KCNJ12: variants seen among roughly 807,000 people sequenced by gnomAD.
The protein encoded by KCNJ12 is ATP-sensitive inward rectifier potassium channel 12.
A neutral mutation model predicts 22.3 loss-of-function variants in KCNJ12; 2 were observed. That is an observed-to-expected ratio of 0.09 (90% CI 0.04 to 0.28). The LOEUF (loss-of-function observed/expected upper bound fraction) is 0.28, where lower values mean the gene tolerates loss of function less well. Among genes scored for constraint, KCNJ12 ranks in the 10% least tolerant of loss-of-function variants. The probability of loss-of-function intolerance (pLI) is 1.00; values close to 1 mark genes in which losing one functional copy is unlikely to be tolerated. For synonymous variants in KCNJ12, 117 were observed against 261.4 expected (o/e 0.45, Z 5.33); for missense variants, 155 against 633.3 (o/e 0.24, Z 8.11).
At chr17:21,414,673 G>A (rs1415866560) in intron 2 of KCNJ12, among the ~76,000 whole-genome samples, 2 of 152,308 alleles carry the variant, frequency 1.3e-5, no homozygotes, top group African/African-American at 4.8e-5. Flanking sequence ...GGAGGCCTCT[G>A]GTGCCAAGGT....
intron 1 of KCNJ12, among the ~76,000 whole-genome samples, chr17:21,384,466 A>G (rs1032811761): frequency 9.2e-5 from 14 of 151,996 alleles, no homozygotes; most frequent in African/African-American, 3.4e-4. Context: ...GAGTTGGGAT[A>G]ATCCAGATCC....
At chr17:21,383,111 G>A (rs1904936381) in intron 1 of KCNJ12, among the ~76,000 whole-genome samples, 3 of 152,198 alleles carry the variant, frequency 2.0e-5, no homozygotes, top group Admixed American at 1.3e-4. Flanking sequence ...ACTGAGATGT[G>A]TATGATAGAG....
intron 1 of KCNJ12, among the ~76,000 whole-genome samples, chr17:21,383,207 C>T (rs529857429): frequency 6.6e-6 from 1 of 152,170 alleles, no homozygotes; most frequent in Non-Finnish European, 1.5e-5. Context: ...GCCCGCCCCG[C>T]TTGCTCCAGC....
At chr17:21,383,888 G>A (rs62050820) in intron 1 of KCNJ12, among the ~76,000 whole-genome samples, 10 of 152,142 alleles carry the variant, frequency 6.6e-5, no homozygotes, top group Non-Finnish European at 1.2e-4. Flanking sequence ...GAGCCATCAC[G>A]GGCATTGTCA....
intron 1 of KCNJ12, among the ~76,000 whole-genome samples, chr17:21,403,929 T>C (rs1905780152): frequency 6.6e-6 from 1 of 152,296 alleles, no homozygotes; most frequent in Non-Finnish European, 1.5e-5. Flanking sequence ...ACTCTTATAG[T>C]TTCAAGCTCT....
At chr17:21,398,908 A>G (rs1555560187) in intron 1 of KCNJ12, among the ~76,000 whole-genome samples, 1 of 152,242 alleles carries the variant, frequency 6.6e-6, no homozygotes, top group Non-Finnish European at 1.5e-5. Flanking sequence ...ATAGACTAAC[A>G]TCTGCTGGAC....
chr17:21,415,029 T>C (rs2142079436), intron 2 of KCNJ12, among the ~76,000 whole-genome samples: 1 of 152,424 alleles, frequency 6.6e-6, no homozygotes, highest in East Asian at 1.9e-4. Context: ...GGTCGGATCC[T>C]AAATAGACTC....
chr17:21,381,402 G>A (rs115396223), intron 1 of KCNJ12, among the ~76,000 whole-genome samples: 2,798 of 152,054 alleles, frequency 0.018, 82 homozygotes, highest in African/African-American at 0.063. Flanking sequence ...GCCCTCTGTC[G>A]ATTCCCACCA....
rs1555562974 is a variant in KCNJ12, at chr17:21,416,530, G to C, written c.1188G>C (p.Gln396His). 1 of 1,611,704 alleles carries C rather than the reference G, an allele frequency of 6.2e-7. No individual in the cohort carries two copies. Among genetic ancestry groups the C allele is most frequent in the Non-Finnish European group, 8.5e-7 (1 of 1,178,962 alleles). Residue 396 changes from glutamine to histidine, a missense_variant, in exon 3 of 3, where the codon CAG (glutamine) becomes CAC (histidine). Gln to His is a conservative substitution (Grantham distance 24, BLOSUM62 0). Coordinates refer to ENST00000583088, the MANE Select transcript of KCNJ12 (RefSeq NM_021012.5). ...RDEEDEADGD[Q>H]DGRSRDGLSP... ...AGGAGGATGAGGCGGACGGAGACCA[G>C]GACGGCCGAAGCCGGGACGGCCTCA...
intron 1 of KCNJ12, among the ~76,000 whole-genome samples, chr17:21,401,227 G>A (rs1274462133): frequency 1.4e-5 from 2 of 138,412 alleles, no homozygotes; most frequent in Admixed American, 1.4e-4. Context: ...AGGGCATCCC[G>A]ACTGTGACCT....
intron 1 of KCNJ12, among the ~76,000 whole-genome samples, chr17:21,402,650 T>A (rs4315389): frequency 1.4e-4 from 21 of 152,414 alleles, no homozygotes; most frequent in South Asian, 6.2e-4. Flanking sequence ...TCCCAGGGAA[T>A]CTTCTGTACC....
At chr17:21,383,306 T>C (rs1904947468) in intron 1 of KCNJ12, among the ~76,000 whole-genome samples, 2 of 152,142 alleles carry the variant, frequency 1.3e-5, no homozygotes, top group Admixed American at 1.3e-4. Context: ...TGGCGTTCTG[T>C]GTGGCAGCAG....
chr17:21,415,215 G>A, intron 2 of KCNJ12, 72 bp from the exon 3 acceptor site: 3 of 1,452,938 alleles, frequency 2.1e-6, no homozygotes, highest in South Asian at 1.2e-5. Context: ...GTCACGTCTG[G>A]GGGCCCTGGG....
At chr17:21,382,702 T>G (rs8065075) in intron 1 of KCNJ12, among the ~76,000 whole-genome samples, 17,033 of 152,034 alleles carry the variant, frequency 0.11, 2,176 homozygotes, top group African/African-American at 0.32. Context: ...TGGCCCCTTT[T>G]GTGGGGAGCA....
chr17:21,396,539 C>T (rs532876502), intron 1 of KCNJ12, among the ~76,000 whole-genome samples: 8 of 152,168 alleles, frequency 5.3e-5, no homozygotes, highest in South Asian at 2.1e-4. Flanking sequence ...CGTGCCTGGC[C>T]GGGGTTCTAG....
intron 1 of KCNJ12, among the ~76,000 whole-genome samples, chr17:21,381,803 G>A (rs1051170760): frequency 1.2e-4 from 19 of 152,170 alleles, no homozygotes; most frequent in Non-Finnish European, 1.5e-5. Flanking sequence ...CTTGGAATAG[G>A]ATCTCCTCTT....
chr17:21,414,197 A>G (rs1392110890), intron 2 of KCNJ12, among the ~76,000 whole-genome samples: 1 of 152,288 alleles, frequency 6.6e-6, no homozygotes, highest in Admixed American at 6.5e-5. Flanking sequence ...AAGAAGCAAA[A>G]GAGAAAACGT....
chr17:21,380,696 A>G (rs1331455277), intron 1 of KCNJ12, among the ~76,000 whole-genome samples: 5 of 152,184 alleles, frequency 3.3e-5, no homozygotes, highest in Admixed American at 2.6e-4. Flanking sequence ...GTGGAGCCAG[A>G]GCCTGGGGAA....
At chr17:21,403,053 A>AACATGCTAGGAGT (rs1905720602) in intron 1 of KCNJ12, among the ~76,000 whole-genome samples, 1 of 152,308 alleles carries the variant, frequency 6.6e-6, no homozygotes, top group Non-Finnish European at 1.5e-5. Flanking sequence ...GGGCTCAAGA[A>AACATGCTAGGAGT]ACATGCTAGG....
Sources: allele counts gnomAD v4.1 joint callset (sites outside exome capture counted in the v4.1 genomes callset), GRCh38; gene constraint gnomAD v4.1.1; transcripts MANE v1.5; gene names NCBI Gene and HGNC (gene_info 2026-07-23, HGNC 2026-07-21).